The following OPCML variants were observed in gnomAD, a reference collection of about 807,000 sequenced individuals.
OPCML encodes the protein opioid binding protein/cell adhesion molecule like.
Under a neutral mutation model 37.8 loss-of-function variants are expected in OPCML, and 13 were observed. The observed-to-expected ratio is 0.34, with a 90% CI of 0.22 to 0.55. The LOEUF is 0.55. OPCML is among the 20% of genes least tolerant of loss of function. The probability of loss-of-function intolerance (pLI) is 0.91; values close to 1 mark genes in which losing one functional copy is unlikely to be tolerated. For synonymous variants in OPCML, 176 were observed against 168.8 expected (o/e 1.04, Z -0.33); for missense variants, 341 against 435.6 (o/e 0.78, Z 1.93).
Position 132,548,917 on chromosome 11 carries a change from A to G in OPCML, c.380-19731T>C, listed in dbSNP as rs112017237. 6.8e-3 allele frequency among the ~76,000 whole-genome samples: 1,039 copies of G among 152,338 alleles called. 19 individuals carry two copies. Among genetic ancestry groups the G allele is most frequent in the African/African-American group, 0.023 (965 of 41,574 alleles). On this transcript the variant is annotated intron_variant, in intron 3 of 7. Transcript: ENST00000524381. The stretch of plus-strand genomic sequence containing the variant: ...AAATATATGTAAATTGTATACAAAG[A>G]GACAATATTATCCTCACTCCCATGA...
chr11:132,605,223 G>C (rs1274060623), intron 3 of OPCML, among the ~76,000 whole-genome samples: 2 of 152,070 alleles, frequency 1.3e-5, no homozygotes, highest in African/African-American at 4.8e-5. Flanking sequence ...AATAGTGTCA[G>C]AACATTTGCA....
In OPCML at chr11:132,417,899, G is replaced by T. The variant is rs562373704; in HGVS notation, c.*2294C>A. On this transcript the variant is annotated 3_prime_UTR_variant, in exon 8 of 8. Transcript: ENST00000524381. ...GCACCATTCCTGGCACATCAGTTAC[G>T]GTTCCCGAATCTGGCTCCTGGCAGC... is the stretch of plus-strand genomic sequence containing the variant. The T allele has an allele frequency of 6.6e-6, 1 of 152,258 alleles. No individual in the cohort carries two copies. The highest frequency in any genetic ancestry group is 2.4e-5 in the African/African-American group (1 of 41,558). 9.4% of individuals were successfully genotyped at this position (152,258 alleles called of 1,614,324 possible). A position where few individuals can be genotyped will look rare whatever the true frequency, so the allele number is the denominator to read the frequency against.
intron 2 of OPCML, among the ~76,000 whole-genome samples, chr11:132,734,502 A>G (rs1224673187): frequency 6.6e-6 from 1 of 152,238 alleles, no homozygotes; most frequent in Non-Finnish European, 1.5e-5. Flanking sequence ...GTTGTTAGCC[A>G]TATGAGTGAA....
chr11:133,513,869 G>C (rs1328524250), intron 1 of OPCML, among the ~76,000 whole-genome samples: 1 of 152,184 alleles, frequency 6.6e-6, no homozygotes, highest in Non-Finnish European at 1.5e-5. Context: ...GCATTACAGA[G>C]ATTAAGAGTT....
rs141824454 is a variant in OPCML, at chr11:133,317,910, A to G, written c.61+214354T>C. Among the ~76,000 whole-genome samples, 179 of 152,340 alleles carry G rather than the reference A, an allele frequency of 1.2e-3. 1 individual carries two copies. The highest frequency in any genetic ancestry group is 3.7e-3 in the African/African-American group (155 of 41,586). On this transcript the variant is annotated intron_variant, in intron 1 of 7. Transcript: ENST00000524381. The stretch of plus-strand genomic sequence containing the variant: ...AAAGCTTTTTGCTGTAACGGTAAAT[A>G]CTGTTCATTGCTTGCCTATTATTAG...
intron 2 of OPCML, among the ~76,000 whole-genome samples, chr11:132,895,208 C>A (rs968392542): frequency 1.3e-5 from 2 of 152,172 alleles, no homozygotes; most frequent in Non-Finnish European, 2.9e-5. Context: ...ACATTTGGTA[C>A]TTTTAATTCA....
intron 1 of OPCML, among the ~76,000 whole-genome samples, chr11:133,081,490 T>G (rs1394932628): frequency 1.3e-5 from 2 of 152,208 alleles, no homozygotes. Context: ...AGCGAATGAA[T>G]GAAGCGCTCT....
At chr11:132,820,258 A>G (rs1166661292) in intron 2 of OPCML, among the ~76,000 whole-genome samples, 2 of 152,158 alleles carry the variant, frequency 1.3e-5, no homozygotes, top group Admixed American at 6.5e-5. Context: ...TCCTATTACT[A>G]TAAGATCTTA....
intron 1 of OPCML, among the ~76,000 whole-genome samples, chr11:132,979,860 G>A (rs1946546059): frequency 6.6e-6 from 1 of 152,130 alleles, no homozygotes; most frequent in African/African-American, 2.4e-5. Context: ...AAGAAGGCAG[G>A]GGGATTATAA....
intron 1 of OPCML, among the ~76,000 whole-genome samples, chr11:133,080,320 T>C (rs1213338797): frequency 1.3e-5 from 2 of 152,096 alleles, no homozygotes; most frequent in Non-Finnish European, 2.9e-5. Flanking sequence ...CCTGGAACTT[T>C]TGATTTTCAA....
chr11:133,470,005 A>G (rs1947068545), intron 1 of OPCML, among the ~76,000 whole-genome samples: 2 of 152,190 alleles, frequency 1.3e-5, no homozygotes, highest in African/African-American at 2.4e-5. Context: ...TCATCATTTT[A>G]TTTGTTTACA....
chr11:133,217,684 C>T (rs1452164039), intron 1 of OPCML, among the ~76,000 whole-genome samples: 1 of 152,160 alleles, frequency 6.6e-6, no homozygotes, highest in Non-Finnish European at 1.5e-5. Flanking sequence ...CACCGATCTG[C>T]TGGGATTTCT....
chr11:133,052,891 T>C (rs902118460), intron 1 of OPCML, among the ~76,000 whole-genome samples: 1 of 152,210 alleles, frequency 6.6e-6, no homozygotes, highest in Admixed American at 6.5e-5. Context: ...ATTACACCAT[T>C]TGAGCCCCTG....
chr11:133,497,467 C>G (rs749110093), intron 1 of OPCML, among the ~76,000 whole-genome samples: 1 of 151,946 alleles, frequency 6.6e-6, no homozygotes. Context: ...TTCTCTGGTC[C>G]CCCCCGATTC....
At chr11:132,745,563 CAAAAAA>C (rs10562857) in intron 2 of OPCML, among the ~76,000 whole-genome samples, 15 of 102,964 alleles carry the variant, frequency 1.5e-4, no homozygotes, top group Non-Finnish European at 2.1e-4. Context: ...TGCTGTCTTG[CAAAAAA>C]AAAAAAAAAA....
intron 2 of OPCML, among the ~76,000 whole-genome samples, chr11:132,733,333 T>G (rs1329708792): frequency 6.6e-6 from 1 of 151,934 alleles, no homozygotes; most frequent in Non-Finnish European, 1.5e-5. Flanking sequence ...CAATGACCCA[T>G]AGTAGATGAG....
chr11:133,338,017 G>T (rs1481710671), intron 1 of OPCML, among the ~76,000 whole-genome samples: 1 of 152,050 alleles, frequency 6.6e-6, no homozygotes, highest in East Asian at 1.9e-4. Context: ...CACAACACAA[G>T]AAACCCTGTG....
intron 1 of OPCML, among the ~76,000 whole-genome samples, chr11:133,199,341 T>A (rs2136316234): frequency 6.6e-6 from 1 of 152,346 alleles, no homozygotes; most frequent in Non-Finnish European, 1.5e-5. Context: ...TACCTTTGCT[T>A]TTATTATTGT....
chr11:132,948,861 C>T lies in OPCML; in HGVS notation c.62-5851G>A, dbSNP rs554044140. 1.4e-4 allele frequency among the ~76,000 whole-genome samples: 22 copies of T among 152,268 alleles called. No individual in the cohort carries two copies. The South Asian group carries it at 4.6e-3, about 32-fold the overall frequency. ...TGAAAGGTTATAAATGCCCTATGTA[C>T]AAACTAGAGATTCTACTCAGACCTA... is the stretch of plus-strand genomic sequence containing the variant. On this transcript the variant is annotated intron_variant, in intron 1 of 7. Transcript: ENST00000524381.
Sources: allele counts gnomAD v4.1 joint callset (sites outside exome capture counted in the v4.1 genomes callset), GRCh38; gene constraint gnomAD v4.1.1; transcripts MANE v1.5; gene names NCBI Gene and HGNC (gene_info 2026-07-23, HGNC 2026-07-21).